SLC4A9: variants seen among roughly 807,000 people sequenced by gnomAD.
SLC4A9 encodes anion exchange protein 4.
Under a neutral mutation model 103.2 loss-of-function variants are expected in SLC4A9, and 102 were observed. The ratio of observed to expected loss-of-function variants is 0.99; its 90% CI spans 0.84 to 1.17. The LOEUF is 1.17. Ranked by LOEUF, SLC4A9 falls within the 50% of genes most tolerant of loss-of-function variation. SLC4A9 has a pLI of 0.00. For missense variants in SLC4A9, 1,091 were observed against 1,193.7 expected, an observed-to-expected ratio of 0.91 and a Z score of 1.27; for synonymous variants, 453 against 483.6, an observed-to-expected ratio of 0.94 and a Z score of 0.83.
At chr5:140,361,179 T>C in intron 2 of SLC4A9, 75 bp from the exon 3 acceptor site, 2 of 1,382,504 alleles carry the variant, frequency 1.4e-6, no homozygotes, top group Non-Finnish European at 2.0e-6. Flanking sequence ...GAAAGGTGTC[T>C]GGGCAGAGGG....
In SLC4A9 at chr5:140,367,707, C is replaced by T; in HGVS notation, c.2176-13C>T. ...GCTAGCTTCATCCTCATTGCCCCCACCACTACCTGCAGAAGGGAGCTGGCT... is the reference window on the plus strand; with the variant it reads ...GCTAGCTTCATCCTCATTGCCCCCATCACTACCTGCAGAAGGGAGCTGGCT... On this transcript the variant is annotated splice_polypyrimidine_tract_variant and intron_variant, in intron 15 of 21. Transcript: ENST00000506757. 2 of 1,613,642 alleles carry T rather than the reference C, an allele frequency of 1.2e-6. No individual in the cohort carries two copies. The highest frequency in any genetic ancestry group is 8.5e-7 in the Non-Finnish European group (1 of 1,179,642).
rs750967640 is a variant in SLC4A9, at chr5:140,363,879, G to A, written c.1231G>A (p.Gly411Arg). Residue 411 changes from glycine (G) to arginine (R), a missense_variant, in exon 9 of 22, where the codon GGA (glycine) becomes AGA (arginine). Transcript: ENST00000506757. The surrounding 1 kb of genome is among the most constrained non-coding windows in gnomAD (Gnocchi z 4.5). ...TNAITFGGLL[G>R]DATDGAQGVL... The stretch of plus-strand genomic sequence containing the variant: ...TGCCATCACTTTTGGGGGTCTGCTG[G>A]GAGATGCCACTGATGGTGCCCAGGT... The A allele has an allele frequency of 6.2e-7, 1 of 1,613,938 alleles. No homozygotes were observed. The highest frequency in any genetic ancestry group is 2.2e-5 in the East Asian group (1 of 44,874).
chr5:140,363,291 TG>T lies in SLC4A9; in HGVS notation c.963-146del. On this transcript the variant is annotated intron_variant, in intron 7 of 21. Coordinates refer to ENST00000506757, the MANE Select transcript of SLC4A9 (RefSeq NM_031467.3). This position sits in a 1 kb window ranked among gnomAD's most constrained non-coding sequence, Gnocchi z 4.5. ...GGCTTTCACAGGTCGCAATATGACC[TG>T]GACCTTCTAGAGGCCCAGGTGTCGC... 1 of 915,940 alleles carries T rather than the reference TG, an allele frequency of 1.1e-6. No homozygotes were observed. Among genetic ancestry groups the T allele is most frequent in the Non-Finnish European group, 1.6e-6 (1 of 606,590 alleles). 56.7% of individuals were successfully genotyped at this position (915,940 alleles called of 1,614,324 possible). A position where few individuals can be genotyped will look rare whatever the true frequency, so the allele number is the denominator to read the frequency against.
chr5:140,360,532 C>T, intron 1 of SLC4A9, 66 bp downstream of exon 1: 1 of 1,406,968 alleles, frequency 7.1e-7, no homozygotes, highest in Non-Finnish European at 9.7e-7. Flanking sequence ...TCCTATATGT[C>T]CCCCAGCGCT....
At chr5:140,368,919 G>A (rs1768296831) in intron 17 of SLC4A9, among the ~76,000 whole-genome samples, 1 of 152,192 alleles carries the variant, frequency 6.6e-6, no homozygotes, top group Non-Finnish European at 1.5e-5. Flanking sequence ...GAACTCAAAC[G>A]CTTATCCAAT....
At position 140,364,192 on chromosome 5, in the gene SLC4A9, G is replaced by A; in HGVS notation, c.1388+5G>A. Reference sequence around the variant, plus strand: ...CCTGCTCTTCTCTTTCAGCAGGTAGGAGAGCTCCCCCCATCACCGGACCCT... The same window carrying A: ...CCTGCTCTTCTCTTTCAGCAGGTAGAAGAGCTCCCCCCATCACCGGACCCT... On this transcript the variant is annotated splice_donor_5th_base_variant and intron_variant, in intron 10 of 21. Transcript: ENST00000506757. The A allele has an allele frequency of 5.1e-6, 8 of 1,564,626 alleles. No homozygotes were observed. The highest frequency in any genetic ancestry group is 6.9e-6 in the Non-Finnish European group (8 of 1,154,738).
intron 17 of SLC4A9, among the ~76,000 whole-genome samples, chr5:140,369,077 C>T (rs892541523): frequency 6.6e-6 from 1 of 152,078 alleles, no homozygotes; most frequent in African/African-American, 2.4e-5. Flanking sequence ...AATCCCAGCA[C>T]TTTGGGAGGC....
rs759666167 is a variant in SLC4A9 at position 140,363,739 on chromosome 5, G to T, written c.1091G>T (p.Gly364Val). ...CCCTCGGGCGGGAGGCTGTTTGGGGGCCTTATCCAGGACGTGCGCAGGAAG... is the reference window on the plus strand; with the variant it reads ...CCCTCGGGCGGGAGGCTGTTTGGGGTCCTTATCCAGGACGTGCGCAGGAAG... ...ELQRTGRLFGGLIQDVRRKVP... is the reference protein window; with the variant it reads ...ELQRTGRLFGVLIQDVRRKVP... Residue 364 changes from glycine (G) to valine (V), a missense_variant, in exon 9 of 22, where the codon GGC (glycine) becomes GTC (valine). Physicochemically the swap from Gly to Val is moderately radical, Grantham distance 109. Coordinates refer to ENST00000506757, the MANE Select transcript of SLC4A9 (RefSeq NM_031467.3). The surrounding 1 kb of genome is among the most constrained non-coding windows in gnomAD (Gnocchi z 4.5). 7.4e-6 allele frequency: 12 copies of T among 1,613,662 alleles called. No homozygotes were observed. The African/African-American group carries it at 1.6e-4, about 22-fold the overall frequency.
Position 140,361,852 on chromosome 5 carries a change from C to A in SLC4A9, c.550C>A (p.Leu184Met). ...RKASDNEEAP[L>M]REQCQNPLRQ... The stretch of plus-strand genomic sequence containing the variant: ...GGCTTCTGACAATGAGGAAGCCCCC[C>A]TGAGGGAACAGGTTTGTGGCCCTTC... The change falls in exon 4 of 22, where the codon CTG becomes ATG. Residue 184 changes from leucine to methionine, a missense_variant. Physicochemically the swap from Leu to Met is conservative, Grantham distance 15. Transcript: ENST00000506757. 1.2e-6 allele frequency: 2 copies of A among 1,614,006 alleles called. No individual in the cohort carries two copies. Among genetic ancestry groups the A allele is most frequent in the Non-Finnish European group, 1.7e-6 (2 of 1,179,890 alleles).
chr5:140,368,542 C>A lies in SLC4A9; in HGVS notation c.2355-45C>A, dbSNP rs557833280. 2.5e-6 allele frequency: 4 copies of A among 1,568,722 alleles called. No homozygotes were observed. In the African/African-American group the frequency reaches 5.4e-5, roughly 21 times the overall value. ...GCCAGGATCTCCAGTCTGGATACCC[C>A]AGGGACTCTCCCAGACCTCAGCTAA... On this transcript the variant is annotated intron_variant, in intron 16 of 21. Coordinates refer to ENST00000506757, the MANE Select transcript of SLC4A9 (RefSeq NM_031467.3).
At chr5:140,369,051 G>A (rs72798865) in intron 17 of SLC4A9, among the ~76,000 whole-genome samples, 29,809 of 152,096 alleles carry the variant, frequency 0.2, 3,406 homozygotes, top group East Asian at 0.29. Flanking sequence ...GCCCAGGTGC[G>A]GTGGCTCATG....
chr5:140,364,656 G>A (rs765446605), intron 11 of SLC4A9, 31 bp downstream of exon 11: 1 of 1,587,412 alleles, frequency 6.3e-7, no homozygotes, highest in Non-Finnish European at 8.6e-7. Context: ...CCTTGGTCAG[G>A]TGAAGAAGGA....
chr5:140,374,028 T>C (rs1769122054), intron 21 of SLC4A9, among the ~76,000 whole-genome samples: 1 of 151,162 alleles, frequency 6.6e-6, no homozygotes. Flanking sequence ...ACTCTGTCTC[T>C]ACTAAAAAAT....
rs1380016190 is a variant in SLC4A9, at chr5:140,363,403, G to A, written c.963-36G>A. ...TGGACCGAGTCGCAGACTGGTTGGA[G>A]ATCCTCAGCCAACCTGGGGTTCCCC... is the stretch of plus-strand genomic sequence containing the variant. On this transcript the variant is annotated intron_variant, in intron 7 of 21. Transcript: ENST00000506757. This position sits in a 1 kb window ranked among gnomAD's most constrained non-coding sequence, Gnocchi z 4.5. 6.6e-7 allele frequency: 1 copy of A among 1,526,560 alleles called. No homozygotes were observed. The highest frequency in any genetic ancestry group is 2.5e-5 in the East Asian group (1 of 40,772). The allele number at this position is 1,526,560 out of a possible 1,614,324, so 94.6% of individuals were successfully genotyped here.
At position 140,364,376 on chromosome 5, in the gene SLC4A9, G is replaced by A; in HGVS notation, c.1402G>A (p.Asp468Asn). ...TCATCCCCACAGAGATTACAGCCTG[G>A]ACTACCTGCCCTTCCGCCTATGGGT... ...LFSFSRDYSL[D>N]YLPFRLWVGI... The change falls in exon 11 of 22, where the codon GAC (aspartate) becomes AAC (asparagine). Residue 468 changes from aspartate to asparagine, a missense_variant. Physicochemically the swap from Asp to Asn is conservative, Grantham distance 23 (BLOSUM62 1). Transcript: ENST00000506757. The A allele has an allele frequency of 1.2e-6, 2 of 1,612,862 alleles. No individual in the cohort carries two copies. The highest frequency in any genetic ancestry group is 1.7e-6 in the Non-Finnish European group (2 of 1,179,872).
chr5:140,361,164 GA>G, intron 2 of SLC4A9, 89 bp from the exon 3 acceptor site: 5 of 1,311,142 alleles, frequency 3.8e-6, no homozygotes, highest in Non-Finnish European at 5.3e-6. Context: ...GAGACTCCCA[GA>G]AGGGAAAGGT....
intron 17 of SLC4A9, among the ~76,000 whole-genome samples, chr5:140,369,073 A>G (rs867181135): frequency 1.2e-4 from 18 of 152,296 alleles, no homozygotes; most frequent in Middle Eastern, 6.8e-3. Flanking sequence ...CTGTAATCCC[A>G]GCACTTTGGG....
At chr5:140,368,798 A>G in intron 17 of SLC4A9, 139 bp downstream of exon 17, 1 of 631,580 alleles carries the variant, frequency 1.6e-6, no homozygotes, top group Non-Finnish European at 2.7e-6. Context: ...TTTAATCCTC[A>G]CATTAACCCT....
At chr5:140,362,639 C>A in intron 6 of SLC4A9, 107 bp downstream of exon 6, 1 of 1,175,026 alleles carries the variant, frequency 8.5e-7, no homozygotes, top group Non-Finnish European at 1.3e-6. Flanking sequence ...TGTGTGGACT[C>A]TGTATGTGTC....
Sources: allele counts gnomAD v4.1 joint callset (sites outside exome capture counted in the v4.1 genomes callset), GRCh38; gene constraint gnomAD v4.1.1; non-coding constraint Gnocchi (gnomAD v3.1); transcripts MANE v1.5; gene names NCBI Gene and HGNC (gene_info 2026-07-23, HGNC 2026-07-21).